The following NUP210 variants were observed in gnomAD, a reference collection of about 807,000 sequenced individuals.
NUP210 encodes nuclear pore membrane glycoprotein 210.
NUP210 carries 151 observed loss-of-function variants against 196.0 expected under a neutral mutation model. The ratio of observed to expected loss-of-function variants is 0.77; its 90% CI spans 0.67 to 0.88. The LOEUF (loss-of-function observed/expected upper bound fraction) is 0.88. Ranked by LOEUF, NUP210 falls within the 40% of genes least tolerant of loss-of-function variation. The pLI is 0.00. For missense variants in NUP210, 2,314 were observed against 2,493.7 expected (o/e 0.93, Z 1.53); for synonymous variants, 1,070 against 1,052.7 (o/e 1.02, Z -0.32).
intron 33 of NUP210, among the ~76,000 whole-genome samples, chr3:13,325,505 G>A (rs1696711898): frequency 6.6e-6 from 1 of 152,134 alleles, no homozygotes; most frequent in African/African-American, 2.4e-5. Context: ...CCCAGGAAGT[G>A]CCCACTCCGG....
chr3:13,323,382 G>T lies in NUP210; in HGVS notation c.4695C>A (p.Ile1565=). 1 of 1,614,120 alleles carries T rather than the reference G, an allele frequency of 6.2e-7. No individual in the cohort carries two copies. Among genetic ancestry groups the T allele is most frequent in the Non-Finnish European group, 8.5e-7 (1 of 1,180,006 alleles). The change falls in exon 34 of 40, where the codon ATC becomes ATA. Residue 1565 remains isoleucine (I), a synonymous_variant. Coordinates refer to ENST00000254508, the MANE Select transcript of NUP210 (RefSeq NM_024923.4). This position sits in a 1 kb window ranked among gnomAD's most constrained non-coding sequence, Gnocchi z 4.3. ...QRIMARHLHP[I]QTSFQEATAS... is the part of the protein sequence containing the mutation. The stretch of plus-strand genomic sequence containing the variant: ...CTGTAGCCTCCTGGAAGCTGGTCTG[G>T]ATGGGGTGGAGGTGACGGGCCATGA...
In NUP210 at chr3:13,379,239, C is replaced by T. The variant is rs1177465997; in HGVS notation, c.977-259G>A. Among the ~76,000 whole-genome samples, 1 of 152,180 alleles carries T rather than the reference C, an allele frequency of 6.6e-6. No individual in the cohort carries two copies. Among genetic ancestry groups the T allele is most frequent in the Non-Finnish European group, 1.5e-5 (1 of 68,040 alleles). On this transcript the variant is annotated intron_variant, in intron 7 of 39. Coordinates refer to ENST00000254508, the MANE Select transcript of NUP210 (RefSeq NM_024923.4). The surrounding 1 kb of genome is among the most constrained non-coding windows in gnomAD (Gnocchi z 4.2). Reference sequence around the variant, plus strand: ...ACAGGACACAACAACAAGTCTGGGGCATCAACACTCCATTATGCTAGTATG... The same window carrying T: ...ACAGGACACAACAACAAGTCTGGGGTATCAACACTCCATTATGCTAGTATG...
intron 1 of NUP210, among the ~76,000 whole-genome samples, chr3:13,419,340 C>G (rs999486666): frequency 6.6e-6 from 1 of 152,226 alleles, no homozygotes; most frequent in Non-Finnish European, 1.5e-5. Flanking sequence ...CTGGACTGCA[C>G]CGCCCTGTCA....
intron 1 of NUP210, among the ~76,000 whole-genome samples, chr3:13,403,248 A>C (rs1382997484): frequency 6.6e-6 from 1 of 152,190 alleles, no homozygotes; most frequent in Admixed American, 6.5e-5. Flanking sequence ...ACAGAAATGT[A>C]TTGCTCACAG....
At chr3:13,365,895 T>A (rs774220068) in intron 14 of NUP210, 51 bp downstream of exon 14, 1 of 1,597,140 alleles carries the variant, frequency 6.3e-7, no homozygotes, top group Non-Finnish European at 8.6e-7. Flanking sequence ...GTAATTTGCA[T>A]CTGGGAAGGA....
At position 13,350,989 on chromosome 3, in the gene NUP210, C is replaced by T. The variant is rs938257437; in HGVS notation, c.2835+890G>A. Among the ~76,000 whole-genome samples, 7 of 152,102 alleles carry T rather than the reference C, an allele frequency of 4.6e-5. No individual in the cohort carries two copies. The highest frequency in any genetic ancestry group is 1.7e-4 in the African/African-American group (7 of 41,402). On this transcript the variant is annotated intron_variant, in intron 20 of 39. Transcript: ENST00000254508. This position sits in a 1 kb window ranked among gnomAD's most constrained non-coding sequence, Gnocchi z 4.1. ...CTGGGATTACAGGCATGAGCCACCGCACCCGGCCAGAAATTCTTAAATTGA... is the reference window on the plus strand; with the variant it reads ...CTGGGATTACAGGCATGAGCCACCGTACCCGGCCAGAAATTCTTAAATTGA...
chr3:13,328,871 C>A lies in NUP210; in HGVS notation c.4186G>T (p.Val1396Leu). ...AAGGTCACGGTCATTCCCAAAGGCA[C>A]GGCCACCAGGGCCTCCTTGTTCTGG... ...HTQNKEALVA[V>L]PLGMTVTFTV... Residue 1396 changes from valine to leucine, a missense_variant, in exon 31 of 40, where the codon GTG becomes TTG. Transcript: ENST00000254508. 1 of 1,614,142 alleles carries A rather than the reference C, an allele frequency of 6.2e-7. No individual in the cohort carries two copies.
At chr3:13,343,342 G>GGGC in intron 20 of NUP210, 39 bp from the exon 21 acceptor site, 11 of 655,978 alleles carry the variant, frequency 1.7e-5, no homozygotes, top group East Asian at 8.9e-5. Flanking sequence ...TGGGTGGTGG[G>GGGC]TTACGCAGCT....
In NUP210 at chr3:13,377,545, C is replaced by T. The variant is rs1177212015; in HGVS notation, c.1063G>A (p.Gly355Ser). Residue 355 changes from glycine to serine, a missense_variant, in exon 9 of 40, where the codon GGT (glycine) becomes AGT (serine). Transcript: ENST00000254508. ...PGYLGFTVHP[G>S]DRWVLETGRL... ...CCGGTCTCCAGCACCCACCTGTCAC[C>T]AGGGTGAACAGTGAACCCTAAAACA... is the stretch of plus-strand genomic sequence containing the variant. 7 of 1,613,686 alleles carry T rather than the reference C, an allele frequency of 4.3e-6. No individual in the cohort carries two copies. Among genetic ancestry groups the T allele is most frequent in the Non-Finnish European group, 5.9e-6 (7 of 1,179,784 alleles).
intron 1 of NUP210, among the ~76,000 whole-genome samples, chr3:13,417,502 A>T (rs1313175980): frequency 6.6e-6 from 1 of 152,192 alleles, no homozygotes; most frequent in Non-Finnish European, 1.5e-5. Context: ...TTTCTGGATG[A>T]AGAGGTAATG....
intron 30 of NUP210, among the ~76,000 whole-genome samples, chr3:13,329,536 T>A (rs1338759873): frequency 6.6e-6 from 1 of 152,222 alleles, no homozygotes. Context: ...GGTATACAGC[T>A]AGTGCTCAGT....
At chr3:13,391,664 C>T (rs1232852648) in intron 3 of NUP210, among the ~76,000 whole-genome samples, 1 of 144,552 alleles carries the variant, frequency 6.9e-6, no homozygotes, top group Admixed American at 7.1e-5. Context: ...GGAGTCTGCT[C>T]GGAAACCTGG....
intron 1 of NUP210, among the ~76,000 whole-genome samples, chr3:13,411,886 G>T (rs964897738): frequency 1.2e-4 from 19 of 152,086 alleles, no homozygotes; most frequent in Non-Finnish European, 2.4e-4. Context: ...CATTATAAGC[G>T]CCCAGCACCA....
rs1418587055 is a variant in NUP210 at position 13,370,236 on chromosome 3, A to AC, written c.1786+1597dup. Among the ~76,000 whole-genome samples the AC allele has an allele frequency of 2.0e-5, 3 of 152,290 alleles. No individual in the cohort carries two copies. In the East Asian group the frequency reaches 5.8e-4, roughly 29 times the overall value. ...ATGCACACTCCACACCAGGGGCGGT[A>AC]CAAGGCACTTCCTAAGAGAAATTTG... On this transcript the variant is annotated intron_variant, in intron 13 of 39. Coordinates refer to ENST00000254508, the MANE Select transcript of NUP210 (RefSeq NM_024923.4).
intron 13 of NUP210, among the ~76,000 whole-genome samples, chr3:13,367,092 C>G (rs1247851562): frequency 6.6e-6 from 1 of 151,708 alleles, no homozygotes; most frequent in Non-Finnish European, 1.5e-5. Context: ...CACCATTGCA[C>G]TCCAGCCTGG....
In NUP210 at chr3:13,319,928, C is replaced by G; in HGVS notation, c.5218G>C (p.Gly1740Arg). Residue 1740 changes from glycine (G) to arginine (R), a missense_variant, in exon 37 of 40, where the codon GGG becomes CGG. Gly to Arg is a moderately radical substitution (Grantham distance 125). Coordinates refer to ENST00000254508, the MANE Select transcript of NUP210 (RefSeq NM_024923.4). ...GTGTATGTGATGAAGCTGGGCCACC[C>G]AAAAGACTTCTCCTTTGCGAATGCC... Reference protein sequence around the residue: ...VLAFAKEKSFGWPSFITYTVG... With the variant: ...VLAFAKEKSFRWPSFITYTVG... The G allele has an allele frequency of 6.2e-7, 1 of 1,614,180 alleles. No individual in the cohort carries two copies. Among genetic ancestry groups the G allele is most frequent in the African/African-American group, 1.3e-5 (1 of 75,062 alleles).
At position 13,420,261 on chromosome 3, in the gene NUP210, C is replaced by G; in HGVS notation, c.-35G>C. 1 of 1,053,654 alleles carries G rather than the reference C, an allele frequency of 9.5e-7. No individual in the cohort carries two copies. Among genetic ancestry groups the G allele is most frequent in the South Asian group, 4.4e-5 (1 of 22,744 alleles). The allele number at this position is 1,053,654 out of a possible 1,614,324, so 65.3% of individuals were successfully genotyped here. ...GCGTCACCTCCCGCGACCCTGCGCCCGGCCGCCCGCGCCGCCCCGTTGCCC... is the reference window on the plus strand; with the variant it reads ...GCGTCACCTCCCGCGACCCTGCGCCGGGCCGCCCGCGCCGCCCCGTTGCCC... On this transcript the variant is annotated 5_prime_UTR_variant, in exon 1 of 40. Coordinates refer to ENST00000254508, the MANE Select transcript of NUP210 (RefSeq NM_024923.4). This position sits in a 1 kb window ranked among gnomAD's most constrained non-coding sequence, Gnocchi z 4.8.
At position 13,342,087 on chromosome 3, in the gene NUP210, C is replaced by T. The variant is rs757686840; in HGVS notation, c.3001G>A (p.Val1001Met). Residue 1001 changes from valine (V) to methionine (M), a missense_variant, in exon 22 of 40, where the codon GTG (valine) becomes ATG (methionine). By Grantham distance (21) the Val-to-Met change is conservative (BLOSUM62 1). Transcript: ENST00000254508. ...AAGGGCTTCTTGTGCAAGTCCAGCA[C>T]GCGGACGTATGCCTTCACTGTCTTC... ...IGKTVKAYVR[V>M]LDLHKKPFLA... The T allele has an allele frequency of 1.3e-5, 21 of 1,614,080 alleles. No individual in the cohort carries two copies. The highest frequency in any genetic ancestry group is 4.4e-5 in the South Asian group (4 of 91,082).
At chr3:13,345,469 G>A (rs1182128752) in intron 20 of NUP210, among the ~76,000 whole-genome samples, 5 of 152,336 alleles carry the variant, frequency 3.3e-5, no homozygotes, top group Admixed American at 6.5e-5. Flanking sequence ...ACGGAACTGC[G>A]GGGCTGGGGA....
Sources: allele counts gnomAD v4.1 joint callset (sites outside exome capture counted in the v4.1 genomes callset), GRCh38; gene constraint gnomAD v4.1.1; non-coding constraint Gnocchi (gnomAD v3.1); transcripts MANE v1.5; gene names NCBI Gene and HGNC (gene_info 2026-07-23, HGNC 2026-07-21).